The following KRT1 variants were observed in gnomAD, a reference collection of about 807,000 sequenced individuals.
The protein encoded by KRT1 is keratin, type II cytoskeletal 1.
In KRT1, 28 loss-of-function variants were observed where a neutral mutation model predicts 51.6. That is an observed-to-expected ratio of 0.54 (90% CI 0.40 to 0.74). The LOEUF (loss-of-function observed/expected upper bound fraction) is 0.74, where lower values mean the gene tolerates loss of function less well. Ranked by LOEUF, KRT1 falls within the 30% of genes least tolerant of loss-of-function variation. The probability of loss-of-function intolerance (pLI) is 0.00; values close to 1 mark genes in which losing one functional copy is unlikely to be tolerated. For synonymous variants in KRT1, 301 were observed against 307.7 expected (o/e 0.98, Z 0.23); for missense variants, 783 against 815.5 (o/e 0.96, Z 0.49).
In KRT1 at chr12:52,677,297, A is replaced by G. The variant is rs1245449393; in HGVS notation, c.1128+19T>C. ...ACAAGCCATTTCAGGGAAACTGGCT[A>G]GGCTTTCAGCCCACTCACCTTGCTC... On this transcript the variant is annotated intron_variant, in intron 5 of 8. Transcript: ENST00000252244. 6.2e-7 allele frequency: 1 copy of G among 1,614,248 alleles called. No homozygotes were observed. Among genetic ancestry groups the G allele is most frequent in the Admixed American group, 1.7e-5 (1 of 60,032 alleles).
chr12:52,675,988 A>C (rs1349578061), intron 7 of KRT1, among the ~76,000 whole-genome samples: 3 of 152,156 alleles, frequency 2.0e-5, no homozygotes, highest in African/African-American at 7.2e-5. Context: ...GCCCCCTCTA[A>C]AGATGCCGAC....
chr12:52,676,504 G>A lies in KRT1; in HGVS notation c.1255-9C>T, dbSNP rs370239641. On this transcript the variant is annotated splice_polypyrimidine_tract_variant and intron_variant, in intron 6 of 8. Coordinates refer to ENST00000252244, the MANE Select transcript of KRT1 (RefSeq NM_006121.4). ...TGCTGCAAGTTGGAGATCTGAAAAA[G>A]AATATGACACCCTCTCATAATATGC... 2 of 1,613,934 alleles carry A rather than the reference G, an allele frequency of 1.2e-6. No individual in the cohort carries two copies. The highest frequency in any genetic ancestry group is 1.7e-6 in the Non-Finnish European group (2 of 1,179,862).
rs1257291364 is a variant in KRT1 at position 52,675,724 on chromosome 12, G to A, written c.1496C>T (p.Pro499Leu). 3 of 1,614,156 alleles carry A rather than the reference G, an allele frequency of 1.9e-6. No individual in the cohort carries two copies. Among genetic ancestry groups the A allele is most frequent in the Non-Finnish European group, 2.5e-6 (3 of 1,180,026 alleles). ...EESRMSGECA[P>L]NVSVSVSTSH... ...CTTGTACTTACACACACTCACGTTC[G>A]GGGCACATTCTCCAGACATCCTGTA... Residue 499 changes from proline (P) to leucine (L), a missense_variant, in exon 8 of 9, where the codon CCG (proline) becomes CTG (leucine). Coordinates refer to ENST00000252244, the MANE Select transcript of KRT1 (RefSeq NM_006121.4).
chr12:52,679,559 C>T lies in KRT1; in HGVS notation c.591+199G>A, dbSNP rs1310228381. Among the ~76,000 whole-genome samples the T allele has an allele frequency of 3.3e-5, 5 of 152,180 alleles. No individual in the cohort carries two copies. The East Asian group carries it at 5.8e-4, about 18-fold the overall frequency. ...CACTGACCCACCTTTAGGTCGACCA[C>T]GAACCCTTTGTCAAAGAGAGAGTCA... is the stretch of plus-strand genomic sequence containing the variant. On this transcript the variant is annotated intron_variant, in intron 1 of 8. Transcript: ENST00000252244.
Position 52,675,496 on chromosome 12 carries a change from G to A in KRT1, c.1632C>T (p.Gly544=), listed in dbSNP as rs750849977. 28 of 1,546,248 alleles carry A rather than the reference G, an allele frequency of 1.8e-5. No individual in the cohort carries two copies. The highest frequency in any genetic ancestry group is 8.2e-5 in the South Asian group (7 of 85,734). ...SGGGSYGSGG[G]GGGGRGSYGS... The stretch of plus-strand genomic sequence containing the variant: ...CATAGCTGCCACGGCCGCCGCCGCC[G>A]CCACCTCCAGAACCATAGCTACCAC... Residue 544 remains glycine, a synonymous_variant, in exon 9 of 9, where the codon GGC becomes GGT. Coordinates refer to ENST00000252244, the MANE Select transcript of KRT1 (RefSeq NM_006121.4).
Position 52,678,538 on chromosome 12 carries a change from T to A in KRT1, c.806+4A>T, listed in dbSNP as rs960796538. 2 of 1,614,126 alleles carry A rather than the reference T, an allele frequency of 1.2e-6. No homozygotes were observed. The highest frequency in any genetic ancestry group is 1.7e-6 in the Non-Finnish European group (2 of 1,179,932). ...TTAAGAACTGCCCAGACAGGGTCCC[T>A]TACTTGTTCCGGTAATCCTCCACCA... On this transcript the variant is annotated splice_donor_region_variant and intron_variant, in intron 2 of 8. Coordinates refer to ENST00000252244, the MANE Select transcript of KRT1 (RefSeq NM_006121.4).
Position 52,677,722 on chromosome 12 carries a change from G to C in KRT1, c.891C>G (p.Thr297=), listed in dbSNP as rs1362290562. The C allele has an allele frequency of 1.2e-6, 2 of 1,613,982 alleles. No individual in the cohort carries two copies. The highest frequency in any genetic ancestry group is 1.3e-5 in the African/African-American group (1 of 74,892). The change falls in exon 4 of 9, where the codon ACC becomes ACG. Residue 297 remains threonine, a synonymous_variant. Transcript: ENST00000252244. ...IKKDVDGAYM[T]KVDLQAKLDN... Reference sequence around the variant, plus strand: ...CAAGTTTGGCCTGAAGGTCCACCTTGGTCATATAAGCACCATCCACATCCT... The same window carrying C: ...CAAGTTTGGCCTGAAGGTCCACCTTCGTCATATAAGCACCATCCACATCCT...
At chr12:52,679,408 C>T (rs1941553615) in intron 1 of KRT1, among the ~76,000 whole-genome samples, 1 of 152,114 alleles carries the variant, frequency 6.6e-6, no homozygotes, top group Non-Finnish European at 1.5e-5. Flanking sequence ...TTAGGAAGAC[C>T]TTTCCAGGGT....
rs1941524081 is a variant in KRT1 at position 52,677,358 on chromosome 12, G to A, written c.1086C>T (p.Ala362=). 1 of 1,614,050 alleles carries A rather than the reference G, an allele frequency of 6.2e-7. No individual in the cohort carries two copies. The highest frequency in any genetic ancestry group is 1.3e-5 in the African/African-American group (1 of 74,912). Residue 362 remains alanine (A), a synonymous_variant, in exon 5 of 9, where the codon GCC becomes GCT. Coordinates refer to ENST00000252244, the MANE Select transcript of KRT1 (RefSeq NM_006121.4). ...ACTCGGCCTCAGCTTTGCTCTTCTG[G>A]GCTATATCCTCGTACTGGGCCTTGA... The part of the protein sequence containing the change: ...AEVKAQYEDI[A]QKSKAEAESL...
In KRT1 at chr12:52,674,973, C is replaced by T; in HGVS notation, c.*220G>A. The T allele has an allele frequency of 1.4e-6, 1 of 694,266 alleles. No individual in the cohort carries two copies. Among genetic ancestry groups the T allele is most frequent in the Non-Finnish European group, 2.5e-6 (1 of 397,848 alleles). The allele number at this position is 694,266 out of a possible 1,614,324, so 43.0% of individuals were successfully genotyped here. A position where few individuals can be genotyped will look rare whatever the true frequency, so the allele number is the denominator to read the frequency against. ...GCTGAACTGTTTCTCAGGGAAAGAACAAAGCAGGGTCATAGCCAGGGGACT... is the reference window on the plus strand; with the variant it reads ...GCTGAACTGTTTCTCAGGGAAAGAATAAAGCAGGGTCATAGCCAGGGGACT... On this transcript the variant is annotated 3_prime_UTR_variant, in exon 9 of 9. Transcript: ENST00000252244.
intron 6 of KRT1, 36 bp downstream of exon 6, chr12:52,677,023 C>A: frequency 6.2e-7 from 1 of 1,609,414 alleles, no homozygotes; most frequent in Non-Finnish European, 8.5e-7. Context: ...TACCCCCATT[C>A]CATACAGCTG....
In KRT1 at chr12:52,675,167, G is replaced by C. The variant is rs1941480389; in HGVS notation, c.*26C>G. On this transcript the variant is annotated 3_prime_UTR_variant, in exon 9 of 9. Transcript: ENST00000252244. ...TGTTAGTGATGCTGGGGGAGAACTA[G>C]AGCTAATGAAACAGAGGGCATCTCT... The C allele has an allele frequency of 6.2e-7, 1 of 1,612,424 alleles. No individual in the cohort carries two copies. The highest frequency in any genetic ancestry group is 1.3e-5 in the African/African-American group (1 of 74,980).
Position 52,676,421 on chromosome 12 carries a change from C to T in KRT1, c.1329G>A (p.Lys443=). ...GCAGGGCATCCTCCAGGTCATTCAG[C>T]TTGTTCTTGGCATCCTTGAGGGCAT... is the stretch of plus-strand genomic sequence containing the variant. The part of the protein sequence containing the change: ...GENALKDAKN[K]LNDLEDALQQ... Residue 443 remains lysine, a synonymous_variant, in exon 7 of 9, where the codon AAG becomes AAA. Transcript: ENST00000252244. The T allele has an allele frequency of 6.2e-7, 1 of 1,614,206 alleles. No individual in the cohort carries two copies. Among genetic ancestry groups the T allele is most frequent in the Non-Finnish European group, 8.5e-7 (1 of 1,180,040 alleles).
At chr12:52,678,109 C>T (rs879229034) in intron 3 of KRT1, 54 bp downstream of exon 3, 1 of 1,552,934 alleles carries the variant, frequency 6.4e-7, no homozygotes, top group Non-Finnish European at 8.9e-7. Context: ...TAATTGGAGA[C>T]CCTCTTCCCT....
In KRT1 at chr12:52,679,887, T is replaced by C; in HGVS notation, c.462A>G (p.Glu154=). The change falls in exon 1 of 9, where the codon GAA becomes GAG. Residue 154 remains glutamate (E), a synonymous_variant. Coordinates refer to ENST00000252244, the MANE Select transcript of KRT1 (RefSeq NM_006121.4). ...GAAGAAGGCTCTGGTTGATAGTGACTTCTTGTATGCCACCAGGAGGGCAGA... is the reference window on the plus strand; with the variant it reads ...GAAGAAGGCTCTGGTTGATAGTGACCTCTTGTATGCCACCAGGAGGGCAGA... The part of the protein sequence containing the change: ...GPVCPPGGIQ[E]VTINQSLLQP... 6.2e-7 allele frequency: 1 copy of C among 1,614,074 alleles called. No homozygotes were observed. Among genetic ancestry groups the C allele is most frequent in the Non-Finnish European group, 8.5e-7 (1 of 1,179,994 alleles).
chr12:52,677,141 A>G lies in KRT1; in HGVS notation c.1172T>C (p.Val391Ala). Residue 391 changes from valine to alanine, a missense_variant, in exon 6 of 9, where the codon GTG (valine) becomes GCG (alanine). By Grantham distance (64) the Val-to-Ala change is moderately conservative. Coordinates refer to ENST00000252244, the MANE Select transcript of KRT1 (RefSeq NM_006121.4). ...AGAAATTTCTATCTTTGAATTTCTCACACTATCCCCATGTCTGCCAGCAGT... is the reference window on the plus strand; with the variant it reads ...AGAAATTTCTATCTTTGAATTTCTCGCACTATCCCCATGTCTGCCAGCAGT... ...QITAGRHGDSVRNSKIEISEL... is the reference protein window; with the variant it reads ...QITAGRHGDSARNSKIEISEL... 1 of 1,614,206 alleles carries G rather than the reference A, an allele frequency of 6.2e-7. No individual in the cohort carries two copies. Among genetic ancestry groups the G allele is most frequent in the Non-Finnish European group, 8.5e-7 (1 of 1,180,040 alleles).
At position 52,676,493 on chromosome 12, in the gene KRT1, G is replaced by T; in HGVS notation, c.1257C>A (p.Ile419=). ...CACTGATGGACTGCTGCAAGTTGGA[G>T]ATCTGAAAAAGAATATGACACCCTC... The part of the protein sequence containing the change: ...RSEIDNVKKQ[I]SNLQQSISDA... Residue 419 remains isoleucine (I), a splice_region_variant and synonymous_variant, in exon 7 of 9, where the codon ATC becomes ATA. Transcript: ENST00000252244. 6.2e-7 allele frequency: 1 copy of T among 1,614,130 alleles called. No homozygotes were observed. The highest frequency in any genetic ancestry group is 8.5e-7 in the Non-Finnish European group (1 of 1,180,006).
rs758035884 is a variant in KRT1 at position 52,680,205 on chromosome 12, G to A, written c.144C>T (p.Ser48=). The part of the protein sequence containing the change: ...RSGGGGGRFS[S]CGGGGGSFGA... Reference sequence around the variant, plus strand: ...CAAAGCTACCACCACCACCACCACAGCTTGAAAATCTCCCACCACCTCCTC... The same window carrying A: ...CAAAGCTACCACCACCACCACCACAACTTGAAAATCTCCCACCACCTCCTC... Residue 48 remains serine, a synonymous_variant, in exon 1 of 9, where the codon AGC becomes AGT. Transcript: ENST00000252244. 57 of 1,613,702 alleles carry A rather than the reference G, an allele frequency of 3.5e-5. No individual in the cohort carries two copies. In the Middle Eastern group the frequency reaches 4.9e-4, roughly 14 times the overall value.
chr12:52,677,513 G>A (rs756384693), intron 4 of KRT1, 33 bp from the exon 5 acceptor site: 5 of 1,612,952 alleles, frequency 3.1e-6, no homozygotes, highest in Non-Finnish European at 4.2e-6. Context: ...GACTCTTACA[G>A]CACTAAAACA....
Sources: gnomAD v4.1 joint callset for allele counts (sites outside exome capture counted in the v4.1 genomes callset) on GRCh38, gnomAD v4.1.1 for gene constraint, MANE v1.5 for transcripts, NCBI Gene and HGNC (gene_info 2026-07-23, HGNC 2026-07-21) for gene names.